Variants in RALGDS observed in about 807,000 individuals in gnomAD.
RALGDS encodes ral guanine nucleotide dissociation stimulator, also known as ral guanine nucleotide exchange factor.
RALGDS carries 44 observed loss-of-function variants against 99.8 expected under a neutral mutation model. The observed-to-expected ratio is 0.44, with a 90% CI of 0.35 to 0.57. RALGDS has a LOEUF of 0.57. Ranked by LOEUF, RALGDS falls within the 20% of genes least tolerant of loss-of-function variation. The pLI, the probability that RALGDS is intolerant of heterozygous loss-of-function variation, is 0.01. For missense variants in RALGDS, 1,022 were observed against 1,203.1 expected, an observed-to-expected ratio of 0.85 and a Z score of 2.23; for synonymous variants, 529 against 505.0, an observed-to-expected ratio of 1.05 and a Z score of -0.64.
At chr9:133,117,037 A>G (rs1831642789) in intron 1 of RALGDS, among the ~76,000 whole-genome samples, 1 of 152,208 alleles carries the variant, frequency 6.6e-6, no homozygotes, top group Non-Finnish European at 1.5e-5. Context: ...TGCCCTGGGC[A>G]AAAGGCCTAC....
rs913329057 is a variant in RALGDS, at chr9:133,120,955, C to T, written c.183+17G>A. The T allele has an allele frequency of 1.7e-5, 25 of 1,475,630 alleles. No individual in the cohort carries two copies. The highest frequency in any genetic ancestry group is 1.9e-5 in the Non-Finnish European group (21 of 1,118,276). The allele number at this position is 1,475,630 out of a possible 1,614,324, so 91.4% of individuals were successfully genotyped here. A position where few individuals can be genotyped will look rare whatever the true frequency, so the allele number is the denominator to read the frequency against. Reference sequence around the variant, plus strand: ...GGCTCCGACGCACCCCCCGCCCGACCGCCCCAGCTCACCCACCTCCGGGCG... The same window carrying T: ...GGCTCCGACGCACCCCCCGCCCGACTGCCCCAGCTCACCCACCTCCGGGCG... On this transcript the variant is annotated intron_variant, in intron 1 of 17. Coordinates refer to ENST00000372050, the MANE Select transcript of RALGDS (RefSeq NM_006266.4).
At position 133,144,546 on chromosome 9, in the gene RALGDS, G is replaced by A. The variant is rs1306796796; in HGVS notation, c.18+4417C>T. Among the ~76,000 whole-genome samples the A allele has an allele frequency of 6.6e-6, 1 of 152,224 alleles. No individual in the cohort carries two copies. Among genetic ancestry groups the A allele is most frequent in the Non-Finnish European group, 1.5e-5 (1 of 68,036 alleles). ...CTCGCGACCCGAAAGCGAGACCTTT[G>A]TCTGCGGCAGCTCCGCGCCGGGCTG... On this transcript the variant is annotated intron_variant, in intron 1 of 17. Transcript: ENST00000393160. This position sits in a 1 kb window ranked among gnomAD's most constrained non-coding sequence, Gnocchi z 4.5.
At chr9:133,146,312 G>A (rs956613943) in intron 1 of RALGDS, among the ~76,000 whole-genome samples, 10 of 152,206 alleles carry the variant, frequency 6.6e-5, no homozygotes, top group African/African-American at 1.7e-4. Context: ...CTCAGCCTCC[G>A]GAGTAGCTGG....
upstream of RALGDS, among the ~76,000 whole-genome samples, chr9:133,133,497 G>A (rs1361357544): frequency 6.6e-6 from 1 of 152,208 alleles, no homozygotes; most frequent in Non-Finnish European, 1.5e-5. Context: ...CACGTGATGC[G>A]CCACATCACT....
At chr9:133,117,171 T>G (rs1197847486) in intron 1 of RALGDS, among the ~76,000 whole-genome samples, 1 of 152,210 alleles carries the variant, frequency 6.6e-6, no homozygotes, top group Non-Finnish European at 1.5e-5. Flanking sequence ...TTGTGGCAGC[T>G]GCTACCTGTC....
intron 1 of RALGDS, among the ~76,000 whole-genome samples, chr9:133,120,175 AC>A (rs1831847842): frequency 6.6e-6 from 1 of 152,024 alleles, no homozygotes; most frequent in Non-Finnish European, 1.5e-5. Context: ...GGCAGATGGC[AC>A]CACCCAGAGA....
In RALGDS at chr9:133,103,333, G is replaced by A. The variant is rs971977454; in HGVS notation, c.1759-71C>T. On this transcript the variant is annotated intron_variant, in intron 11 of 17. Transcript: ENST00000372050. ...CATTACAGTCTCCCCACCTCATGCT[G>A]CACTATCAAGAGTGCCCACCAGGGG... 9 of 1,587,218 alleles carry A rather than the reference G, an allele frequency of 5.7e-6. No individual in the cohort carries two copies. In the African/African-American group the frequency reaches 1.2e-4, roughly 21 times the overall value.
Position 133,111,899 on chromosome 9 carries a change from G to A in RALGDS, c.294+143C>T, listed in dbSNP as rs1015596311. ...GAAGGGAGGTCAAACATGAAAACCC[G>A]ATTAAGCCTGGGCTGGACAGTGGGG... On this transcript the variant is annotated intron_variant, in intron 2 of 17. Coordinates refer to ENST00000372050, the MANE Select transcript of RALGDS (RefSeq NM_006266.4). The A allele has an allele frequency of 1.0e-5, 7 of 690,060 alleles. No homozygotes were observed. The East Asian group carries it at 1.1e-4, about 11-fold the overall frequency. 42.7% of individuals were successfully genotyped at this position (690,060 alleles called of 1,614,324 possible).
At chr9:133,112,645 A>G (rs1035138879) in intron 1 of RALGDS, among the ~76,000 whole-genome samples, 1 of 152,114 alleles carries the variant, frequency 6.6e-6, no homozygotes, top group Non-Finnish European at 1.5e-5. Context: ...CCAGAGGCCC[A>G]TGGGCATCCT....
rs1830574057 is a variant in RALGDS, at chr9:133,097,820, TTTTC to T, written c.*763_*766del. ...CCCAATCAGTAAACAAACATTTTTTTTTTCTTTTTGCTTTTTATACAAATATTCA... is the reference window on the plus strand; with the variant it reads ...CCCAATCAGTAAACAAACATTTTTTTTTTTTGCTTTTTATACAAATATTCA... On this transcript the variant is annotated 3_prime_UTR_variant, in exon 18 of 18. Coordinates refer to ENST00000372050, the MANE Select transcript of RALGDS (RefSeq NM_006266.4). 1 of 226,752 alleles carries T rather than the reference TTTTC, an allele frequency of 4.4e-6. No individual in the cohort carries two copies. The highest frequency in any genetic ancestry group is 8.8e-6 in the Non-Finnish European group (1 of 113,906). 14.0% of individuals were successfully genotyped at this position (226,752 alleles called of 1,614,324 possible). A position where few individuals can be genotyped will look rare whatever the true frequency, so the allele number is the denominator to read the frequency against.
chr9:133,102,149 G>C lies in RALGDS; in HGVS notation c.2010-10C>G. 1 of 1,558,300 alleles carries C rather than the reference G, an allele frequency of 6.4e-7. No individual in the cohort carries two copies. Among genetic ancestry groups the C allele is most frequent in the Non-Finnish European group, 8.7e-7 (1 of 1,149,788 alleles). ...GCTGGGGGCCTGGCGGCTGGGTGAAGAGTTGGCTTAGTTAAGGGGGCTCCC... is the reference window on the plus strand; with the variant it reads ...GCTGGGGGCCTGGCGGCTGGGTGAACAGTTGGCTTAGTTAAGGGGGCTCCC... On this transcript the variant is annotated splice_polypyrimidine_tract_variant and intron_variant, in intron 14 of 17. Transcript: ENST00000372050.
chr9:133,120,695 G>T (rs1281709152), intron 1 of RALGDS, among the ~76,000 whole-genome samples: 2 of 152,228 alleles, frequency 1.3e-5, no homozygotes, highest in East Asian at 3.8e-4. Context: ...CTGGGCTGCA[G>T]CGGCCTTGGT....
At chr9:133,142,634 T>TG (rs1832542257) in intron 1 of RALGDS, among the ~76,000 whole-genome samples, 2 of 152,012 alleles carry the variant, frequency 1.3e-5, no homozygotes, top group Admixed American at 6.6e-5. Flanking sequence ...CCCACCCCTA[T>TG]GGGGGGGCCC....
At chr9:133,122,774 G>A (rs146226898), upstream of RALGDS, among the ~76,000 whole-genome samples, 272 of 151,894 alleles carry the variant, frequency 1.8e-3, no homozygotes, top group African/African-American at 6.2e-3. Flanking sequence ...GTGTGATCTC[G>A]GCTCACTAAG....
At chr9:133,118,397 C>T (rs1344638488) in intron 1 of RALGDS, among the ~76,000 whole-genome samples, 1 of 152,218 alleles carries the variant, frequency 6.6e-6, no homozygotes, top group Non-Finnish European at 1.5e-5. Context: ...TTCACTCCAG[C>T]CCACCTGCAA....
chr9:133,116,438 T>TGC (rs1338915919), intron 1 of RALGDS, among the ~76,000 whole-genome samples: 1 of 152,252 alleles, frequency 6.6e-6, no homozygotes, highest in Non-Finnish European at 1.5e-5. Context: ...TGCCGGCCTG[T>TGC]GCCCTGCTAC....
upstream of RALGDS, among the ~76,000 whole-genome samples, chr9:133,133,850 C>A (rs542301): frequency 6.6e-6 from 1 of 152,022 alleles, no homozygotes; most frequent in East Asian, 1.9e-4. Context: ...AGGGGCAGGC[C>A]CTGGCTGGGT....
intron 1 of RALGDS, among the ~76,000 whole-genome samples, chr9:133,128,563 A>G (rs1287526760): frequency 6.6e-6 from 1 of 152,116 alleles, no homozygotes; most frequent in East Asian, 1.9e-4. Flanking sequence ...TGCTCCACAA[A>G]GTGCCAGCTG....
chr9:133,117,099 G>A (rs1371200547), intron 1 of RALGDS, among the ~76,000 whole-genome samples: 1 of 152,198 alleles, frequency 6.6e-6, no homozygotes, highest in East Asian at 1.9e-4. Context: ...TGACGCACCC[G>A]AGGAGCCCAG....
Sources: gnomAD v4.1 joint callset for allele counts (sites outside exome capture counted in the v4.1 genomes callset) on GRCh38, gnomAD v4.1.1 for gene constraint, Gnocchi (gnomAD v3.1) non-coding constraint, MANE v1.5 for transcripts, NCBI Gene and HGNC (gene_info 2026-07-23, HGNC 2026-07-21) for gene names.